Variants in OTULIN observed in about 807,000 individuals in gnomAD.
OTULIN encodes the protein OTU deubiquitinase with linear linkage specificity, also known as ubiquitin thioesterase otulin.
In OTULIN, 15 loss-of-function variants were observed where a neutral mutation model predicts 39.6. The ratio of observed to expected loss-of-function variants is 0.38; its 90% CI spans 0.25 to 0.58. The LOEUF (loss-of-function observed/expected upper bound fraction) is 0.58, where lower values mean the gene tolerates loss of function less well. OTULIN is among the 20% of genes least tolerant of loss of function. OTULIN has a pLI of 0.66. For missense variants in OTULIN, 319 were observed against 445.9 expected, an observed-to-expected ratio of 0.72 and a Z score of 2.56; for synonymous variants, 156 against 170.3, an observed-to-expected ratio of 0.92 and a Z score of 0.65.
At position 14,699,827 on chromosome 5, in the gene OTULIN, T is replaced by A. The variant is rs1049059140; in HGVS notation, c.*6779T>A. On this transcript the variant is annotated 3_prime_UTR_variant, in exon 7 of 7. Coordinates refer to ENST00000284274, the MANE Select transcript of OTULIN (RefSeq NM_138348.6). ...GTTTCTCTGAATTTTCTGTCTCACC[T>A]CCTCACCCCTACCCTTGCCTTTTGT... 1 of 152,278 alleles carries A rather than the reference T, an allele frequency of 6.6e-6. No individual in the cohort carries two copies. The allele number at this position is 152,278 out of a possible 1,614,324, so 9.4% of individuals were successfully genotyped here. A position where few individuals can be genotyped will look rare whatever the true frequency, so the allele number is the denominator to read the frequency against.
intron 4 of OTULIN, among the ~76,000 whole-genome samples, chr5:14,685,569 A>T (rs1444438756): frequency 6.6e-6 from 1 of 152,104 alleles, no homozygotes; most frequent in East Asian, 1.9e-4. Flanking sequence ...TTCATTTTTT[A>T]AAATTGTCTT....
At position 14,695,711 on chromosome 5, in the gene OTULIN, T is replaced by A. The variant is rs1348895026; in HGVS notation, c.*2663T>A. The A allele has an allele frequency of 6.6e-6, 1 of 152,210 alleles. No individual in the cohort carries two copies. Among genetic ancestry groups the A allele is most frequent in the Non-Finnish European group, 1.5e-5 (1 of 68,030 alleles). The allele number at this position is 152,210 out of a possible 1,614,324, so 9.4% of individuals were successfully genotyped here. ...TGAGCTCCTTCTGTATATACATCTG[T>A]TGATTTTATCCATCCACAAGGAACA... is the stretch of plus-strand genomic sequence containing the variant. On this transcript the variant is annotated 3_prime_UTR_variant, in exon 7 of 7. Transcript: ENST00000284274.
rs772745279 is a variant in OTULIN, at chr5:14,678,742, A to G, written c.291A>G (p.Arg97=). The change falls in exon 3 of 7, where the codon AGA becomes AGG. Residue 97 remains arginine (R), a synonymous_variant. Transcript: ENST00000284274. ...TGGACTACTGCAAAAAAGAATGGAG[A>G]GGAAATACACAGAAAGCAACGTGTA... The part of the protein sequence containing the change: ...DIMDYCKKEW[R]GNTQKATCMK... 1.2e-6 allele frequency: 2 copies of G among 1,610,618 alleles called. No individual in the cohort carries two copies. Among genetic ancestry groups the G allele is most frequent in the African/African-American group, 1.3e-5 (1 of 74,846 alleles).
intron 1 of OTULIN, among the ~76,000 whole-genome samples, chr5:14,665,406 G>A (rs1735810453): frequency 6.6e-6 from 1 of 152,224 alleles, no homozygotes; most frequent in Admixed American, 6.5e-5. Context: ...CGTCCCACCT[G>A]TTGGACAGAC....
At position 14,682,036 on chromosome 5, in the gene OTULIN, G is replaced by A. The variant is rs574420729; in HGVS notation, c.468+429G>A. Among the ~76,000 whole-genome samples, 14 of 152,334 alleles carry A rather than the reference G, an allele frequency of 9.2e-5. No homozygotes were observed. In the South Asian group the frequency reaches 2.9e-3, roughly 32 times the overall value. On this transcript the variant is annotated intron_variant, in intron 4 of 6. Coordinates refer to ENST00000284274, the MANE Select transcript of OTULIN (RefSeq NM_138348.6). ...GATTGGCTTAGTAGGTGGCAGAACA[G>A]GAACACTAGAAGAGACATGATTACT...
the OTULIN span, among the ~76,000 whole-genome samples, chr5:14,713,906 A>G: frequency 1.6e-4 from 24 of 152,338 alleles, 3 homozygotes; most frequent in African/African-American, 5.5e-4. This position sits in a 1 kb window ranked among gnomAD's most constrained non-coding sequence, Gnocchi z 4.4. Flanking sequence ...GGGACCAGGC[A>G]GGCTCCTTTC....
chr5:14,666,409 A>T (rs1285373456), intron 1 of OTULIN, among the ~76,000 whole-genome samples: 1 of 149,462 alleles, frequency 6.7e-6, no homozygotes, highest in African/African-American at 2.5e-5. Flanking sequence ...AAAGGAATGT[A>T]AAAAAAAAAC....
At chr5:14,713,029 C>G in the OTULIN span, 1 of 1,523,066 alleles carries the variant, frequency 6.6e-7, no homozygotes, top group Admixed American at 1.8e-5. The surrounding 1 kb of genome is among the most constrained non-coding windows in gnomAD (Gnocchi z 4.4). Flanking sequence ...AAGGCACAAC[C>G]GTCGATGCCA....
At chr5:14,665,749 T>C (rs956856841) in intron 1 of OTULIN, among the ~76,000 whole-genome samples, 35 of 152,296 alleles carry the variant, frequency 2.3e-4, no homozygotes, top group African/African-American at 7.2e-4. Flanking sequence ...TTAAGATGTG[T>C]TTAAATGCAA....
chr5:14,669,641 T>G (rs1313798570), intron 1 of OTULIN, among the ~76,000 whole-genome samples: 1 of 152,020 alleles, frequency 6.6e-6, no homozygotes, highest in Non-Finnish European at 1.5e-5. Flanking sequence ...GATGTGGTGG[T>G]GCATGCCTGT....
At chr5:14,706,779 T>C in the OTULIN span, 2 of 152,140 alleles carry the variant, frequency 1.3e-5, no homozygotes, top group African/African-American at 2.4e-5. Context: ...ATGACAGAAA[T>C]AGAGATTCAA....
chr5:14,671,023 T>A (rs189587921), intron 1 of OTULIN, among the ~76,000 whole-genome samples: 3 of 152,342 alleles, frequency 2.0e-5, no homozygotes, highest in Admixed American at 2.0e-4. Flanking sequence ...TTTGCTTTTT[T>A]CATATATCCT....
intron 2 of OTULIN, among the ~76,000 whole-genome samples, chr5:14,678,359 G>C (rs80088960): frequency 0.06 from 9,196 of 152,264 alleles, 331 homozygotes; most frequent in Non-Finnish European, 0.096. Flanking sequence ...ATAAGGCCAT[G>C]AGGCAGGAGC....
At chr5:14,666,382 A>G (rs1013131259) in intron 1 of OTULIN, among the ~76,000 whole-genome samples, 1 of 152,156 alleles carries the variant, frequency 6.6e-6, no homozygotes, top group African/African-American at 2.4e-5. Context: ...TAGTAGAACT[A>G]TATAGACTTA....
At chr5:14,667,375 A>T (rs31920) in intron 1 of OTULIN, among the ~76,000 whole-genome samples, 141,178 of 152,294 alleles carry the variant, frequency 0.93, 65,507 homozygotes, top group Middle Eastern at 0.97. Flanking sequence ...GATAAGCTAC[A>T]TTGTTTTCTT....
chr5:14,712,637 C>T, the OTULIN span, among the ~76,000 whole-genome samples: 1,195 of 152,362 alleles, frequency 7.8e-3, 19 homozygotes, highest in African/African-American at 0.027. Flanking sequence ...CACCTCTCTC[C>T]CCTTTGGCGC....
chr5:14,683,576 A>G (rs1736311168), intron 4 of OTULIN, among the ~76,000 whole-genome samples: 1 of 152,038 alleles, frequency 6.6e-6, no homozygotes, highest in African/African-American at 2.4e-5. Context: ...CACAATTTCT[A>G]GATTTTGGTG....
At chr5:14,700,523 C>T (rs1040489825), downstream of OTULIN, among the ~76,000 whole-genome samples, 1 of 151,882 alleles carries the variant, frequency 6.6e-6, no homozygotes, top group African/African-American at 2.4e-5. Flanking sequence ...GCACAGTCCT[C>T]CCAGCCCTCT....
intron 3 of OTULIN, among the ~76,000 whole-genome samples, chr5:14,680,520 T>G (rs995186929): frequency 2.0e-5 from 3 of 152,140 alleles, no homozygotes; most frequent in Non-Finnish European, 4.4e-5. Context: ...AGGGGCTGAC[T>G]CGACCCAGGG....
Sources: gnomAD v4.1 joint callset for allele counts (sites outside exome capture counted in the v4.1 genomes callset) on GRCh38, gnomAD v4.1.1 for gene constraint, Gnocchi (gnomAD v3.1) non-coding constraint, MANE v1.5 for transcripts, NCBI Gene and HGNC (gene_info 2026-07-23, HGNC 2026-07-21) for gene names.